The following TET3 variants were observed in gnomAD, a reference collection of about 807,000 sequenced individuals.
TET3 encodes the protein methylcytosine dioxygenase TET3.
In TET3, 19 loss-of-function variants were observed where a neutral mutation model predicts 141.4. The ratio of observed to expected loss-of-function variants is 0.13; its 90% CI spans 0.09 to 0.20. TET3 has a LOEUF of 0.20. Among genes scored for constraint, TET3 ranks in the 10% least tolerant of loss-of-function variants. The pLI is 1.00. For synonymous variants in TET3, 1,043 were observed against 980.9 expected (o/e 1.06, Z -1.18); for missense variants, 1,874 against 2,356.9 (o/e 0.80, Z 4.24).
intron 3 of TET3, among the ~76,000 whole-genome samples, chr2:74,008,512 T>C (rs1311286787): frequency 6.6e-6 from 1 of 152,216 alleles, no homozygotes; most frequent in Non-Finnish European, 1.5e-5. Flanking sequence ...TTTGAGCTTA[T>C]TCCATGCAGT....
chr2:74,130,131 A>C, the TET3 span, among the ~76,000 whole-genome samples: 1 of 151,412 alleles, frequency 6.6e-6, no homozygotes, highest in African/African-American at 2.4e-5. Context: ...TAGTATAGAC[A>C]CTTGGGTTCA....
At chr2:73,994,638 C>CTTTCTT (rs1553412093) in intron 2 of TET3, among the ~76,000 whole-genome samples, 78 of 96,724 alleles carry the variant, frequency 8.1e-4, no homozygotes, top group African/African-American at 4.3e-3. Context: ...TTCTTTCTTT[C>CTTTCTT]TTTTTTTTTT....
chr2:74,052,863 C>G (rs1047607093), intron 4 of TET3, among the ~76,000 whole-genome samples: 1 of 152,180 alleles, frequency 6.6e-6, no homozygotes, highest in Non-Finnish European at 1.5e-5. Flanking sequence ...GAGCAAGACT[C>G]TGTCTCAAAA....
intron 10 of TET3, among the ~76,000 whole-genome samples, chr2:74,094,238 G>T (rs1690674185): frequency 6.6e-6 from 1 of 152,208 alleles, no homozygotes; most frequent in Non-Finnish European, 1.5e-5. Context: ...GCGCAAGAGA[G>T]TGAGAGAGCC....
chr2:74,032,130 A>G (rs917995450), intron 3 of TET3, among the ~76,000 whole-genome samples: 1 of 152,170 alleles, frequency 6.6e-6, no homozygotes, highest in African/African-American at 2.4e-5. Context: ...CCTTCTCTAA[A>G]CCTGGCCCCT....
At chr2:74,115,419 G>A in the TET3 span, among the ~76,000 whole-genome samples, 5 of 152,192 alleles carry the variant, frequency 3.3e-5, no homozygotes, top group Admixed American at 6.5e-5. Flanking sequence ...AGACCAAGAA[G>A]CGGGGAGGAT....
At chr2:74,036,400 T>C (rs1161268756) in intron 3 of TET3, among the ~76,000 whole-genome samples, 1 of 152,264 alleles carries the variant, frequency 6.6e-6, no homozygotes, top group Non-Finnish European at 1.5e-5. Context: ...AGAAGAAATA[T>C]AAAATTTAAA....
chr2:73,988,436 C>T (rs1186365201), intron 2 of TET3, among the ~76,000 whole-genome samples: 1 of 152,174 alleles, frequency 6.6e-6, no homozygotes, highest in Non-Finnish European at 1.5e-5. Flanking sequence ...CCCTTGTGAA[C>T]TAAGTTGAAG....
At chr2:74,064,455 G>A (rs1208413071) in intron 4 of TET3, among the ~76,000 whole-genome samples, 5 of 151,988 alleles carry the variant, frequency 3.3e-5, no homozygotes, top group East Asian at 1.9e-4. Context: ...GCTGGAGTTC[G>A]GTGGTGTGAT....
At chr2:74,052,664 A>T (rs1457544249) in intron 4 of TET3, among the ~76,000 whole-genome samples, 2 of 151,836 alleles carry the variant, frequency 1.3e-5, no homozygotes, top group African/African-American at 4.8e-5. Context: ...GAGGTCAGGA[A>T]TTCGAGACCA....
At chr2:73,995,038 G>C (rs1225245557) in intron 2 of TET3, among the ~76,000 whole-genome samples, 1 of 152,060 alleles carries the variant, frequency 6.6e-6, no homozygotes, top group Non-Finnish European at 1.5e-5. Context: ...TCAGCTCACT[G>C]CAACCTCTGC....
chr2:74,008,011 G>A (rs915716592), intron 3 of TET3, among the ~76,000 whole-genome samples: 1 of 152,106 alleles, frequency 6.6e-6, no homozygotes, highest in African/African-American at 2.4e-5. Context: ...GGTTCCTAAA[G>A]GCTTCCTCTT....
chr2:74,105,595 T>C lies in TET3; in HGVS notation c.*3419T>C. On this transcript the variant is annotated 3_prime_UTR_variant, in exon 12 of 12. Transcript: ENST00000409262. ...CTTTGCCTTCTCACCAAGGTGACGA[T>C]GGTGTGCGTGGAAAGAGATGATACC... 1 of 391,278 alleles carries C rather than the reference T, an allele frequency of 2.6e-6. No homozygotes were observed. The highest frequency in any genetic ancestry group is 3.6e-5 in the East Asian group (1 of 27,438). The allele number at this position is 391,278 out of a possible 1,614,324, so 24.2% of individuals were successfully genotyped here. A position where few individuals can be genotyped will look rare whatever the true frequency, so the allele number is the denominator to read the frequency against.
chr2:74,051,354 A>G (rs7601526), intron 4 of TET3, among the ~76,000 whole-genome samples: 59,411 of 152,144 alleles, frequency 0.39, 14,515 homozygotes, highest in African/African-American at 0.69. Context: ...ATACTTAGGT[A>G]AAAACAGCAG....
chr2:74,094,744 G>A (rs1690707963), intron 10 of TET3, among the ~76,000 whole-genome samples: 1 of 152,218 alleles, frequency 6.6e-6, no homozygotes, highest in South Asian at 2.1e-4. Flanking sequence ...GGATTGTTAT[G>A]TGAGCAGGAC....
Position 74,087,841 on chromosome 2 carries a change from G to A in TET3, c.2691G>A (p.Arg897=). 1.3e-6 allele frequency: 2 copies of A among 1,549,896 alleles called. No individual in the cohort carries two copies. The highest frequency in any genetic ancestry group is 1.7e-6 in the Non-Finnish European group (2 of 1,145,766). ...GCPIAKWVIR[R]HTLEEKLLCL... is the part of the protein sequence containing the mutation. Reference sequence around the variant, plus strand: ...CTGCGTCCCTGCAGGTGATCCGCAGGCACACGCTGGAGGAGAAGCTACTCT... The same window carrying A: ...CTGCGTCCCTGCAGGTGATCCGCAGACACACGCTGGAGGAGAAGCTACTCT... Residue 897 remains arginine, a synonymous_variant, in exon 7 of 12, where the codon AGG becomes AGA. Transcript: ENST00000409262. The surrounding 1 kb of genome is among the most constrained non-coding windows in gnomAD (Gnocchi z 4.3).
At position 74,087,950 on chromosome 2, in the gene TET3, A is replaced by G; in HGVS notation, c.2800A>G (p.Ser934Gly). 6.4e-7 allele frequency: 1 copy of G among 1,554,852 alleles called. No homozygotes were observed. The highest frequency in any genetic ancestry group is 1.2e-5 in the South Asian group (1 of 84,170). The change falls in exon 7 of 12, where the codon AGC becomes GGC. Residue 934 changes from serine (S) to glycine (G), a missense_variant. Transcript: ENST00000409262. This position sits in a 1 kb window ranked among gnomAD's most constrained non-coding sequence, Gnocchi z 4.3. The stretch of plus-strand genomic sequence containing the variant: ...CCTGGCCTGGGAGGGCATTCCCCGT[A>G]GCCTCGGAGACACCCTCTACCAGGA... Reference protein sequence around the residue: ...LILAWEGIPRSLGDTLYQELT... With the variant: ...LILAWEGIPRGLGDTLYQELT...
At position 74,003,861 on chromosome 2, in the gene TET3, G is replaced by A. The variant is rs577189007; in HGVS notation, c.360+695G>A. ...TCCTTGTGGTTGTCTGGGGGGCGGG[G>A]AGCTGGGGTGTTTGAGACAGGGGAG... On this transcript the variant is annotated intron_variant, in intron 3 of 11. Transcript: ENST00000409262. Among the ~76,000 whole-genome samples the A allele has an allele frequency of 1.4e-3, 216 of 151,244 alleles. 6 individuals carry two copies. The South Asian group carries it at 0.044, about 31-fold the overall frequency.
At chr2:74,054,621 C>T (rs768463701) in intron 4 of TET3, among the ~76,000 whole-genome samples, 1 of 139,868 alleles carries the variant, frequency 7.1e-6, no homozygotes, top group African/African-American at 2.7e-5. Context: ...CAAAAAGAAG[C>T]CCCAGAATGG....
Sources: allele counts gnomAD v4.1 joint callset (sites outside exome capture counted in the v4.1 genomes callset), GRCh38; gene constraint gnomAD v4.1.1; non-coding constraint Gnocchi (gnomAD v3.1); transcripts MANE v1.5; gene names NCBI Gene and HGNC (gene_info 2026-07-23, HGNC 2026-07-21).